The following CTNNA3 variants were observed in gnomAD, a reference collection of about 807,000 sequenced individuals.
CTNNA3 encodes catenin alpha 3.
A neutral mutation model predicts 95.7 loss-of-function variants in CTNNA3; 76 were observed. The observed-to-expected ratio is 0.79, with a 90% CI of 0.66 to 0.96. The LOEUF is 0.96. Ranked by LOEUF, CTNNA3 falls within the 40% of genes least tolerant of loss-of-function variation. The probability of loss-of-function intolerance (pLI) is 0.00; values close to 1 mark genes in which losing one functional copy is unlikely to be tolerated. For synonymous variants in CTNNA3, 431 were observed against 374.4 expected (o/e 1.15, Z -1.74); for missense variants, 1,191 against 1,089.8 (o/e 1.09, Z -1.31).
At chr10:67,714,376 G>C (rs181426513) in intron 1 of CTNNA3, among the ~76,000 whole-genome samples, 5 of 152,354 alleles carry the variant, frequency 3.3e-5, no homozygotes, top group African/African-American at 1.2e-4. Context: ...AGTCAAAGGA[G>C]ATCATTCTGG....
At chr10:66,706,573 A>G (rs1036000404) in intron 9 of CTNNA3, among the ~76,000 whole-genome samples, 1 of 152,032 alleles carries the variant, frequency 6.6e-6, no homozygotes, top group Admixed American at 6.6e-5. Flanking sequence ...CAATCAGTTA[A>G]ATAAGAATGG....
At chr10:67,046,723 T>C (rs1854772383) in intron 7 of CTNNA3, among the ~76,000 whole-genome samples, 1 of 152,240 alleles carries the variant, frequency 6.6e-6, no homozygotes, top group African/African-American at 2.4e-5. Flanking sequence ...CAGCATTTTG[T>C]TACCATTATC....
At chr10:66,453,533 T>C (rs556780667) in intron 11 of CTNNA3, among the ~76,000 whole-genome samples, 45 of 152,324 alleles carry the variant, frequency 3.0e-4, no homozygotes, top group Non-Finnish European at 5.9e-4. Context: ...CTAGGGAAAA[T>C]GACACTGCAA....
At chr10:67,197,987 G>A (rs1863455204) in intron 6 of CTNNA3, among the ~76,000 whole-genome samples, 1 of 152,052 alleles carries the variant, frequency 6.6e-6, no homozygotes, top group South Asian at 2.1e-4. Context: ...GCCCAAAAGA[G>A]CAATCTATGT....
intron 7 of CTNNA3, among the ~76,000 whole-genome samples, chr10:67,089,383 AT>A (rs1288754379): frequency 2.6e-5 from 4 of 152,166 alleles, no homozygotes; most frequent in Admixed American, 2.6e-4. Context: ...TTCTTAAAAA[AT>A]AATTTACTAG....
chr10:66,154,608 T>C (rs1286685739), intron 13 of CTNNA3, among the ~76,000 whole-genome samples: 1 of 150,660 alleles, frequency 6.6e-6, no homozygotes, highest in Non-Finnish European at 1.5e-5. Context: ...TGACAGTGGC[T>C]TCCACCAACA....
intron 13 of CTNNA3, among the ~76,000 whole-genome samples, chr10:66,230,410 T>A (rs962611689): frequency 6.6e-6 from 1 of 152,178 alleles, no homozygotes; most frequent in Non-Finnish European, 1.5e-5. Flanking sequence ...TTGGTTAAGG[T>A]TCTAGGTGGG....
chr10:67,054,979 C>T (rs1205179010), intron 7 of CTNNA3: 1 of 151,704 alleles, frequency 6.6e-6, no homozygotes, highest in Non-Finnish European at 1.5e-5. Context: ...TAACTTTCCT[C>T]CAAAAATCTT....
intron 5 of CTNNA3, among the ~76,000 whole-genome samples, chr10:67,233,196 G>A (rs998976769): frequency 8.5e-5 from 13 of 152,112 alleles, no homozygotes; most frequent in East Asian, 5.8e-4. Flanking sequence ...ACCCCAAATC[G>A]ACAGAATATA....
chr10:66,475,704 C>A (rs780070993), intron 11 of CTNNA3, among the ~76,000 whole-genome samples: 4 of 152,040 alleles, frequency 2.6e-5, no homozygotes, highest in Non-Finnish European at 4.4e-5. Context: ...ATTAAAAAGT[C>A]AAGAAACAAA....
chr10:67,496,094 A>C (rs985801372), intron 5 of CTNNA3, among the ~76,000 whole-genome samples: 29 of 152,342 alleles, frequency 1.9e-4, no homozygotes, highest in African/African-American at 6.3e-4. Flanking sequence ...CGAGCACCCT[A>C]GTAGAAAGTA....
chr10:66,586,081 G>A (rs544679891), intron 10 of CTNNA3, among the ~76,000 whole-genome samples: 25 of 152,034 alleles, frequency 1.6e-4, no homozygotes, highest in Non-Finnish European at 3.2e-4. Context: ...CTCAGATGCC[G>A]GTTGTAGTGG....
intron 7 of CTNNA3, among the ~76,000 whole-genome samples, chr10:66,970,486 G>T (rs532374356): frequency 1.5e-5 from 2 of 133,780 alleles, no homozygotes; most frequent in Non-Finnish European, 3.3e-5. Context: ...CTCCACAAAA[G>T]GTCTATATTC....
chr10:66,700,427 A>C (rs1040102653), intron 9 of CTNNA3, among the ~76,000 whole-genome samples: 5 of 152,090 alleles, frequency 3.3e-5, no homozygotes, highest in Admixed American at 1.3e-4. Context: ...GCCTTGCTGA[A>C]AATTGGTTGA....
intron 5 of CTNNA3, among the ~76,000 whole-genome samples, chr10:67,250,804 A>G (rs552512229): frequency 1.3e-5 from 2 of 152,230 alleles, no homozygotes; most frequent in Non-Finnish European, 2.9e-5. Flanking sequence ...GATGGCTATG[A>G]TAAAAATGCC....
intron 10 of CTNNA3, among the ~76,000 whole-genome samples, chr10:66,600,558 GT>G (rs1320883988): frequency 1.3e-5 from 2 of 151,760 alleles, no homozygotes; most frequent in African/African-American, 4.8e-5. Context: ...TTCCTGTTAA[GT>G]AAATAAGGAT....
Position 67,435,860 on chromosome 10 carries a change from G to A in CTNNA3, c.579+85982C>T, listed in dbSNP as rs1846282150. 2.0e-5 allele frequency among the ~76,000 whole-genome samples: 3 copies of A among 152,098 alleles called. No homozygotes were observed. In the South Asian group the frequency reaches 6.2e-4, roughly 31 times the overall value. ...AATGGAAAAACATCCCATGATCATG[G>A]AGGGGTAGAATCAATACTGTGAAAA... On this transcript the variant is annotated intron_variant, in intron 5 of 17. Coordinates refer to ENST00000433211, the MANE Select transcript of CTNNA3 (RefSeq NM_013266.4).
chr10:65,960,433 G>A lies in CTNNA3; in HGVS notation c.2400+6179C>T, dbSNP rs569751809. Among the ~76,000 whole-genome samples, 254 of 152,204 alleles carry A rather than the reference G, an allele frequency of 1.7e-3. 2 individuals carry two copies. Among genetic ancestry groups the A allele is most frequent in the African/African-American group, 5.9e-3 (246 of 41,534 alleles). On this transcript the variant is annotated intron_variant, in intron 17 of 17. Coordinates refer to ENST00000433211, the MANE Select transcript of CTNNA3 (RefSeq NM_013266.4). Reference sequence around the variant, plus strand: ...CCACCTACTCGGTAGGCTGAGGCAGGAGAATGGCATGAACCCAGGAGGCGG... The same window carrying A: ...CCACCTACTCGGTAGGCTGAGGCAGAAGAATGGCATGAACCCAGGAGGCGG...
In CTNNA3 at chr10:67,296,186, A is replaced by AT. The variant is rs199970851; in HGVS notation, c.580-76317dup. Among the ~76,000 whole-genome samples the AT allele has an allele frequency of 7.2e-5, 11 of 152,148 alleles. No individual in the cohort carries two copies. In the South Asian group the frequency reaches 8.3e-4, roughly 11 times the overall value. On this transcript the variant is annotated intron_variant, in intron 5 of 17. Coordinates refer to ENST00000433211, the MANE Select transcript of CTNNA3 (RefSeq NM_013266.4). Reference sequence around the variant, plus strand: ...AAGCAAACACAGTTGAAATTATAGCATTTTTTTTCTTTTCTCTCTAAAATA... The same window carrying AT: ...AAGCAAACACAGTTGAAATTATAGCATTTTTTTTTCTTTTCTCTCTAAAATA...
Sources: allele counts gnomAD v4.1 joint callset (sites outside exome capture counted in the v4.1 genomes callset), GRCh38; gene constraint gnomAD v4.1.1; transcripts MANE v1.5; gene names NCBI Gene and HGNC (gene_info 2026-07-23, HGNC 2026-07-21).